PMPCA: variants seen among roughly 807,000 people sequenced by gnomAD.
PMPCA encodes the protein peptidase, mitochondrial processing subunit alpha, also known as mitochondrial-processing peptidase subunit alpha.
Under a neutral mutation model 59.3 loss-of-function variants are expected in PMPCA, and 47 were observed. The observed-to-expected ratio is 0.79, with a 90% CI of 0.63 to 1.01. The LOEUF is 1.01. Ranked by LOEUF, PMPCA falls within the 50% of genes least tolerant of loss-of-function variation. The pLI, the probability that PMPCA is intolerant of heterozygous loss-of-function variation, is 0.00. For missense variants in PMPCA, 726 were observed against 704.5 expected (o/e 1.03, Z -0.34); for synonymous variants, 338 against 290.3 (o/e 1.16, Z -1.67).
intron 8 of PMPCA, 63 bp from the exon 9 acceptor site, chr9:136,418,492 C>A: frequency 2.0e-6 from 2 of 1,025,052 alleles, no homozygotes; most frequent in Non-Finnish European, 3.1e-6. Context: ...CCGTCCCTGG[C>A]GTCTGACGGT....
chr9:136,414,029 G>A (rs374368090), intron 4 of PMPCA, among the ~76,000 whole-genome samples: 79 of 152,314 alleles, frequency 5.2e-4, no homozygotes, highest in East Asian at 4.8e-3. Context: ...GCCTCATGCC[G>A]GGAACAGATG....
At chr9:136,418,479 C>T in intron 8 of PMPCA, 76 bp from the exon 9 acceptor site, 2 of 941,680 alleles carry the variant, frequency 2.1e-6, no homozygotes, top group South Asian at 1.4e-5. Flanking sequence ...CCAGCTCTGC[C>T]CTCCGTCCCT....
rs146932188 is a variant in PMPCA, at chr9:136,412,284, C to A, written c.274+85C>A. ...TGACTGTTAGTTGTAATTAGCATGC[C>A]AATTATGAATTGTACCCTGAGTGGA... On this transcript the variant is annotated intron_variant, in intron 2 of 12. Transcript: ENST00000371717. 128 of 1,028,236 alleles carry A rather than the reference C, an allele frequency of 1.2e-4. No individual in the cohort carries two copies. In the East Asian group the frequency reaches 3.0e-3, roughly 24 times the overall value. 63.7% of individuals were successfully genotyped at this position (1,028,236 alleles called of 1,614,324 possible).
At chr9:136,422,824 G>C (rs527857419) in intron 12 of PMPCA, 1 of 1,251,970 alleles carries the variant, frequency 8.0e-7, no homozygotes, top group South Asian at 2.2e-5. Flanking sequence ...CACGGAGCTC[G>C]CTCTTCTGTA....
intron 7 of PMPCA, 29 bp downstream of exon 7, chr9:136,417,243 C>T (rs370328611): frequency 1.2e-5 from 19 of 1,535,664 alleles, no homozygotes; most frequent in South Asian, 1.0e-4. Context: ...CTCATGGCCT[C>T]GGGTGGGGAA....
At chr9:136,410,861 A>G in intron 1 of PMPCA, 122 bp downstream of exon 1, 1 of 822,866 alleles carries the variant, frequency 1.2e-6, no homozygotes, top group Non-Finnish European at 1.7e-6. Context: ...ACTTCGGGAC[A>G]CTGGTGTCCC....
intron 5 of PMPCA, chr9:136,416,055 A>ACGTGGCTGCTT: frequency 1.7e-6 from 1 of 583,384 alleles, no homozygotes; most frequent in Non-Finnish European, 3.0e-6. Flanking sequence ...TAGCAGGCTC[A>ACGTGGCTGCTT]CGTGGCTGCT....
chr9:136,417,587 C>G (rs1160936686), intron 7 of PMPCA, among the ~76,000 whole-genome samples: 1 of 151,812 alleles, frequency 6.6e-6, no homozygotes, highest in Non-Finnish European at 1.5e-5. Flanking sequence ...ATTCTTCTGC[C>G]TCAACTTCCC....
At chr9:136,417,446 G>A (rs1835313357) in intron 7 of PMPCA, among the ~76,000 whole-genome samples, 1 of 152,054 alleles carries the variant, frequency 6.6e-6, no homozygotes, top group Admixed American at 6.5e-5. Context: ...TTCTCTAGGG[G>A]AGTGGGTCTG....
intron 1 of PMPCA, chr9:136,411,127 G>C (rs1378688441): frequency 4.9e-6 from 1 of 205,964 alleles, no homozygotes; most frequent in African/African-American, 2.3e-5. Context: ...CGGTTGCTGC[G>C]GTCTGTCCGT....
rs756123509 is a variant in PMPCA at position 136,412,503 on chromosome 9, A to C, written c.288A>C (p.Ser96=). 5.1e-6 allele frequency: 8 copies of C among 1,570,054 alleles called. No individual in the cohort carries two copies. In the South Asian group the frequency reaches 6.9e-5, roughly 14 times the overall value. The change falls in exon 3 of 13, where the codon TCA becomes TCC. Residue 96 remains serine (S), a synonymous_variant. Transcript: ENST00000371717. ...TTTTACTACTAGTTCTTATCAATTC[A>C]GGATCGAGATATGAAGCGAAATACC... ...QFCTVGILIN[S]GSRYEAKYLS... is the part of the protein sequence containing the mutation.
chr9:136,421,774 GGGGGT>G, intron 11 of PMPCA, 53 bp from the exon 12 acceptor site: 1 of 1,477,716 alleles, frequency 6.8e-7, no homozygotes, highest in African/African-American at 1.4e-5. Context: ...TGCTCGAGTG[GGGGGT>G]GGAAGGTGGC....
At position 136,423,428 on chromosome 9, in the gene PMPCA, G is replaced by T; in HGVS notation, c.*164G>T. 1.5e-6 allele frequency: 1 copy of T among 679,990 alleles called. No individual in the cohort carries two copies. Among genetic ancestry groups the T allele is most frequent in the Non-Finnish European group, 2.5e-6 (1 of 407,862 alleles). The allele number at this position is 679,990 out of a possible 1,614,324, so 42.1% of individuals were successfully genotyped here. A position where few individuals can be genotyped will look rare whatever the true frequency, so the allele number is the denominator to read the frequency against. On this transcript the variant is annotated 3_prime_UTR_variant, in exon 13 of 13. Transcript: ENST00000371717. ...GGTTTGCATTCTTTTGGAACTCAATGTGCCGATCAGTGGAGTCAGTATCGA... is the reference window on the plus strand; with the variant it reads ...GGTTTGCATTCTTTTGGAACTCAATTTGCCGATCAGTGGAGTCAGTATCGA...
Position 136,423,313 on chromosome 9 carries a change from TC to T in PMPCA, c.*52del. ...CCAGGGAGCTGCAGCTGGAGCCCGT[TC>T]CCGTGCGTGTTAGTTTGGACACGAA... On this transcript the variant is annotated 3_prime_UTR_variant, in exon 13 of 13. Transcript: ENST00000371717. 1.3e-6 allele frequency: 2 copies of T among 1,566,516 alleles called. No individual in the cohort carries two copies. The highest frequency in any genetic ancestry group is 1.1e-5 in the South Asian group (1 of 89,308).
At chr9:136,418,261 T>G in intron 8 of PMPCA, 152 bp downstream of exon 8, 1 of 677,884 alleles carries the variant, frequency 1.5e-6, no homozygotes. Context: ...CCAGCAATGC[T>G]CCTGATGCAG....
At chr9:136,418,450 C>T (rs1588817589) in intron 8 of PMPCA, 105 bp from the exon 9 acceptor site, 6 of 753,426 alleles carry the variant, frequency 8.0e-6, no homozygotes, top group Admixed American at 4.1e-5. Context: ...GCGCTCCTGA[C>T]GTGGCTTGGG....
At chr9:136,416,127 C>T in intron 5 of PMPCA, 164 bp from the exon 6 acceptor site, 1 of 617,230 alleles carries the variant, frequency 1.6e-6, no homozygotes. Flanking sequence ...TAGCAGTCCC[C>T]CTCACTCACA....
intron 3 of PMPCA, 58 bp from the exon 4 acceptor site, chr9:136,412,752 T>A (rs1835170677): frequency 7.7e-6 from 8 of 1,043,462 alleles, no homozygotes; most frequent in South Asian, 2.7e-5. Context: ...TAAAAAAAAA[T>A]TGTGTTTCAG....
At position 136,416,734 on chromosome 9, in the gene PMPCA, C is replaced by CATTAACTACTA. The variant is rs1835287184; in HGVS notation, c.634-216_634-215insTTAACTACTAA. On this transcript the variant is annotated intron_variant, in intron 6 of 12. Coordinates refer to ENST00000371717, the MANE Select transcript of PMPCA (RefSeq NM_015160.3). ...GTAACTAGGTCTTTACTACTAAACACAATTAATCTTAGGCTTTTTGTGAAT... is the reference window on the plus strand; with the variant it reads ...GTAACTAGGTCTTTACTACTAAACACATTAACTACTAAATTAATCTTAGGCTTTTTGTGAAT... 6.7e-6 allele frequency: 4 copies of CATTAACTACTA among 593,048 alleles called. No individual in the cohort carries two copies. In the South Asian group the frequency reaches 8.4e-5, roughly 12 times the overall value. The allele number at this position is 593,048 out of a possible 1,614,324, so 36.7% of individuals were successfully genotyped here.
Sources: allele counts gnomAD v4.1 joint callset (sites outside exome capture counted in the v4.1 genomes callset), GRCh38; gene constraint gnomAD v4.1.1; transcripts MANE v1.5; gene names NCBI Gene and HGNC (gene_info 2026-07-23, HGNC 2026-07-21).